Variants in ZBTB20 observed in about 807,000 individuals in gnomAD.
The protein encoded by ZBTB20 is zinc finger and BTB domain containing 20, also known as zinc finger and BTB domain-containing protein 20.
A neutral mutation model predicts 56.9 loss-of-function variants in ZBTB20; 9 were observed. The ratio of observed to expected loss-of-function variants is 0.16; its 90% CI spans 0.10 to 0.28. The LOEUF (loss-of-function observed/expected upper bound fraction) is 0.28, where lower values mean the gene tolerates loss of function less well. Ranked by LOEUF, ZBTB20 falls within the 10% of genes least tolerant of loss-of-function variation. ZBTB20 has a pLI of 1.00. For missense variants in ZBTB20, 655 were observed against 1,003.0 expected (o/e 0.65, Z 4.69); for synonymous variants, 417 against 420.7 (o/e 0.99, Z 0.11).
chr3:114,378,708 C>T (rs1328357287), intron 10 of ZBTB20, among the ~76,000 whole-genome samples: 3 of 152,224 alleles, frequency 2.0e-5, no homozygotes, highest in Admixed American at 6.5e-5. Flanking sequence ...ACCACAGGAA[C>T]GGGCTATTTT....
intron 7 of ZBTB20, among the ~76,000 whole-genome samples, chr3:114,407,712 T>C (rs1460137126): frequency 6.6e-6 from 1 of 152,192 alleles, no homozygotes; most frequent in African/African-American, 2.4e-5. Context: ...TAATTTTCAG[T>C]GTTCAGAGAA....
chr3:114,748,318 C>CT (rs1254594137), intron 5 of ZBTB20, among the ~76,000 whole-genome samples: 1 of 123,526 alleles, frequency 8.1e-6, no homozygotes, highest in African/African-American at 3.2e-5. Context: ...TTCTTTCTTT[C>CT]TTTCTTTCTT....
chr3:114,751,659 T>C (rs1033408972), intron 5 of ZBTB20, among the ~76,000 whole-genome samples: 24 of 152,154 alleles, frequency 1.6e-4, no homozygotes, highest in Admixed American at 6.6e-5. Flanking sequence ...CATAAGAGCG[T>C]TGGATTTACA....
rs1204374021 is a variant in ZBTB20 at position 114,623,031 on chromosome 3, G to GT, written c.-295+70496dup. 4.6e-5 allele frequency among the ~76,000 whole-genome samples: 7 copies of GT among 152,148 alleles called. No homozygotes were observed. In the East Asian group the frequency reaches 1.4e-3, roughly 29 times the overall value. On this transcript the variant is annotated intron_variant, in intron 6 of 11. Transcript: ENST00000675478. ...AATCGAATGCTTTTATGGCCACCAT[G>GT]TTTTTTTGGTTTTTGTTTCGTCTTT... is the stretch of plus-strand genomic sequence containing the variant.
At chr3:114,409,621 T>C (rs1272103101) in intron 7 of ZBTB20, among the ~76,000 whole-genome samples, 1 of 152,074 alleles carries the variant, frequency 6.6e-6, no homozygotes, top group African/African-American at 2.4e-5. Context: ...GAACCAGCTA[T>C]AATTCTGGGA....
At chr3:114,805,971 A>C (rs2072075152) in intron 4 of ZBTB20, among the ~76,000 whole-genome samples, 1 of 151,892 alleles carries the variant, frequency 6.6e-6, no homozygotes, top group Non-Finnish European at 1.5e-5. Context: ...CATGGATATA[A>C]CACCACATTT....
chr3:114,561,754 T>C (rs2052083465), intron 6 of ZBTB20, among the ~76,000 whole-genome samples: 1 of 152,088 alleles, frequency 6.6e-6, no homozygotes, highest in African/African-American at 2.4e-5. Context: ...TAAATAAACA[T>C]TGGCTCCCAG....
intron 7 of ZBTB20, among the ~76,000 whole-genome samples, chr3:114,399,333 CTATTT>C (rs1404010560): frequency 6.6e-6 from 1 of 152,010 alleles, no homozygotes; most frequent in African/African-American, 2.4e-5. Flanking sequence ...TAATAAAAAG[CTATTT>C]TATAAATAAG....
chr3:114,957,709 C>G (rs2077296618), intron 3 of ZBTB20, among the ~76,000 whole-genome samples: 1 of 152,148 alleles, frequency 6.6e-6, no homozygotes, highest in Non-Finnish European at 1.5e-5. Flanking sequence ...TTAAATGCTA[C>G]CTAGGAGGAG....
intron 4 of ZBTB20, among the ~76,000 whole-genome samples, chr3:114,864,309 A>T (rs1342380277): frequency 1.3e-5 from 2 of 152,026 alleles, no homozygotes; most frequent in East Asian, 3.9e-4. Context: ...AATGGAGTTA[A>T]ATAAAGCAGT....
At chr3:114,774,448 G>T (rs2069440467) in intron 5 of ZBTB20, among the ~76,000 whole-genome samples, 1 of 152,144 alleles carries the variant, frequency 6.6e-6, no homozygotes, top group Non-Finnish European at 1.5e-5. Flanking sequence ...AAATGGCCAC[G>T]TGAGAAAATG....
At chr3:114,578,446 C>T (rs1430957853) in intron 6 of ZBTB20, among the ~76,000 whole-genome samples, 2 of 151,902 alleles carry the variant, frequency 1.3e-5, no homozygotes, top group East Asian at 3.9e-4. Context: ...AACTGGAGTC[C>T]TGAGATTAAT....
chr3:114,938,928 G>C (rs527391586), intron 3 of ZBTB20, among the ~76,000 whole-genome samples: 1 of 145,726 alleles, frequency 6.9e-6, no homozygotes, highest in South Asian at 2.1e-4. Flanking sequence ...TCTCAGCCAT[G>C]TTGGTAGGGA....
chr3:114,411,731 G>GA (rs1301114012), intron 7 of ZBTB20, among the ~76,000 whole-genome samples: 4 of 152,106 alleles, frequency 2.6e-5, no homozygotes, highest in African/African-American at 7.2e-5. Context: ...ACAAGGGAGG[G>GA]AAGGGTACAG....
At chr3:114,545,686 T>C (rs77790747) in intron 6 of ZBTB20, among the ~76,000 whole-genome samples, 3,093 of 152,026 alleles carry the variant, frequency 0.02, 38 homozygotes, top group Non-Finnish European at 0.032. Flanking sequence ...GAGGAGGGGG[T>C]CTTCACAGTT....
intron 10 of ZBTB20, among the ~76,000 whole-genome samples, chr3:114,377,029 T>C (rs2083722476): frequency 1.3e-5 from 2 of 152,226 alleles, no homozygotes; most frequent in African/African-American, 4.8e-5. Context: ...AGGTTTTTCA[T>C]ATGGAGAGCT....
At chr3:114,869,064 C>T (rs2075886464) in intron 4 of ZBTB20, among the ~76,000 whole-genome samples, 2 of 151,976 alleles carry the variant, frequency 1.3e-5, no homozygotes, top group Admixed American at 1.3e-4. Flanking sequence ...CTCATTTTTT[C>T]TAGAGGTATC....
rs529601114 is a variant in ZBTB20, at chr3:115,065,623, C to T, written c.-507+5596G>A. ...AACTGGAAGTCTGCTGTTAAATTTC[C>T]TGAAGATGTTAATCCTAGAGCTATA... On this transcript the variant is annotated intron_variant, in intron 2 of 11. Transcript: ENST00000675478. Among the ~76,000 whole-genome samples the T allele has an allele frequency of 3.3e-5, 5 of 152,178 alleles. No individual in the cohort carries two copies. The East Asian group carries it at 7.7e-4, about 24-fold the overall frequency.
intron 6 of ZBTB20, among the ~76,000 whole-genome samples, chr3:114,531,517 C>T (rs918007619): frequency 2.6e-5 from 4 of 152,206 alleles, no homozygotes; most frequent in Non-Finnish European, 5.9e-5. Flanking sequence ...GTTCCATTAT[C>T]AGCCTGAAGA....
Sources: gnomAD v4.1 joint callset for allele counts (sites outside exome capture counted in the v4.1 genomes callset) on GRCh38, gnomAD v4.1.1 for gene constraint, MANE v1.5 for transcripts, NCBI Gene and HGNC (gene_info 2026-07-23, HGNC 2026-07-21) for gene names.